C1QC: variants seen among roughly 807,000 people sequenced by gnomAD.
C1QC encodes the protein complement C1q subcomponent subunit C.
Under a neutral mutation model 5.9 loss-of-function variants are expected in C1QC, and 4 were observed. The ratio of observed to expected loss-of-function variants is 0.68; its 90% CI spans 0.33 to 1.55. C1QC has a LOEUF of 1.55. Among genes scored for constraint, C1QC ranks in the 40% most tolerant of loss-of-function variants. C1QC has a pLI of 0.06. For synonymous variants in C1QC, 166 were observed against 153.8 expected, an observed-to-expected ratio of 1.08 and a Z score of -0.59; for missense variants, 299 against 326.9, an observed-to-expected ratio of 0.91 and a Z score of 0.66.
intron 2 of C1QC, among the ~76,000 whole-genome samples, chr1:22,645,409 A>G (rs1642352037): frequency 6.6e-6 from 1 of 152,036 alleles, no homozygotes; most frequent in East Asian, 1.9e-4. Flanking sequence ...AAAGTGATTG[A>G]CCCTCATTTT....
Sources: gnomAD v4.1 joint callset for allele counts (sites outside exome capture counted in the v4.1 genomes callset) on GRCh38, gnomAD v4.1.1 for gene constraint, MANE v1.5 for transcripts, NCBI Gene and HGNC (gene_info 2026-07-23, HGNC 2026-07-21) for gene names.